RRAGD: variants seen among roughly 807,000 people sequenced by gnomAD.
RRAGD encodes Ras related GTP binding D, also known as ras-related GTP-binding protein D.
A neutral mutation model predicts 35.5 loss-of-function variants in RRAGD; 12 were observed. The ratio of observed to expected loss-of-function variants is 0.34; its 90% CI spans 0.22 to 0.55. The LOEUF is 0.55. Among genes scored for constraint, RRAGD ranks in the 20% least tolerant of loss-of-function variants. The pLI is 0.91. For missense variants in RRAGD, 324 were observed against 490.1 expected, an observed-to-expected ratio of 0.66 and a Z score of 3.20; for synonymous variants, 155 against 178.9, an observed-to-expected ratio of 0.87 and a Z score of 1.07.
chr6:89,412,108 G>C lies in RRAGD; in HGVS notation c.-115C>G. The C allele has an allele frequency of 1.7e-5, 17 of 1,023,060 alleles. No homozygotes were observed. The highest frequency in any genetic ancestry group is 3.3e-5 in the East Asian group (1 of 30,182). The allele number at this position is 1,023,060 out of a possible 1,614,324, so 63.4% of individuals were successfully genotyped here. A position where few individuals can be genotyped will look rare whatever the true frequency, so the allele number is the denominator to read the frequency against. On this transcript the variant is annotated 5_prime_UTR_variant, in exon 1 of 7. Transcript: ENST00000369415. The surrounding 1 kb of genome is among the most constrained non-coding windows in gnomAD (Gnocchi z 4.2). ...AGCGGAGGTTTGTCTAGAGCTCAGC[G>C]GGGCCCGGCGGAAGCGGGGGCCGCG...
At chr6:89,408,589 C>T (rs1217616487) in intron 1 of RRAGD, among the ~76,000 whole-genome samples, 1 of 152,188 alleles carries the variant, frequency 6.6e-6, no homozygotes, top group Non-Finnish European at 1.5e-5. Flanking sequence ...CTGGATCTTT[C>T]ATGCCTCCAG....
intron 1 of RRAGD, among the ~76,000 whole-genome samples, chr6:89,394,411 C>G (rs1004704410): frequency 1.3e-5 from 2 of 151,954 alleles, no homozygotes; most frequent in Non-Finnish European, 2.9e-5. Context: ...TATGAGAAGA[C>G]AACAGAACAG....
chr6:89,409,739 G>T (rs980142735), intron 1 of RRAGD, among the ~76,000 whole-genome samples: 2 of 152,066 alleles, frequency 1.3e-5, no homozygotes, highest in Admixed American at 6.6e-5. Context: ...TCCTGACAAG[G>T]GATTCTGCAT....
intron 1 of RRAGD, among the ~76,000 whole-genome samples, chr6:89,402,858 G>A (rs559795830): frequency 2.0e-5 from 3 of 152,250 alleles, no homozygotes; most frequent in East Asian, 1.9e-4. Context: ...TGGCCACAGC[G>A]AAACAGCTCA....
intron 1 of RRAGD, among the ~76,000 whole-genome samples, chr6:89,399,436 C>T (rs1056360809): frequency 6.6e-6 from 1 of 152,082 alleles, no homozygotes; most frequent in Non-Finnish European, 1.5e-5. Context: ...TCCCTAGTTC[C>T]GAATAGATGC....
rs1364611489 is a variant in RRAGD at position 89,411,909 on chromosome 6, C to A, written c.85G>T (p.Ala29Ser). Residue 29 changes from alanine (A) to serine (S), a missense_variant, in exon 1 of 7, where the codon GCG becomes TCG. Ala to Ser is a moderately conservative substitution (Grantham distance 99). Transcript: ENST00000369415. The surrounding 1 kb of genome is among the most constrained non-coding windows in gnomAD (Gnocchi z 5.6). ...GAGTCGGGCCCGTCTCCGTAGTCCG[C>A]TAGCCCCACCAGCTCATCCTCCTCC... ...EEEEDELVGL[A>S]DYGDGPDSSD... 1.1e-5 allele frequency: 17 copies of A among 1,545,632 alleles called. No homozygotes were observed. Among genetic ancestry groups the A allele is most frequent in the Non-Finnish European group, 1.5e-5 (17 of 1,148,032 alleles).
intron 1 of RRAGD, among the ~76,000 whole-genome samples, chr6:89,404,429 G>A (rs1769539878): frequency 6.6e-6 from 1 of 152,178 alleles, no homozygotes; most frequent in African/African-American, 2.4e-5. Context: ...TGGGTATCAA[G>A]AGGATCAGCT....
chr6:89,382,834 C>A (rs1769071317), intron 2 of RRAGD, among the ~76,000 whole-genome samples: 1 of 152,016 alleles, frequency 6.6e-6, no homozygotes, highest in Non-Finnish European at 1.5e-5. Flanking sequence ...CAAGATCGTG[C>A]CACTGCACTC....
At chr6:89,399,628 T>A (rs1207243456) in intron 1 of RRAGD, among the ~76,000 whole-genome samples, 2 of 152,100 alleles carry the variant, frequency 1.3e-5, no homozygotes, top group African/African-American at 4.8e-5. Flanking sequence ...ATATTTTTTT[T>A]AATTAGCAAG....
chr6:89,380,437 C>G, intron 2 of RRAGD, 70 bp from the exon 3 acceptor site: 14 of 1,364,372 alleles, frequency 1.0e-5, no homozygotes, highest in Non-Finnish European at 1.4e-5. Context: ...ACACTCTTCA[C>G]CTGGAAACCA....
chr6:89,372,654 G>GA (rs1768874012), intron 5 of RRAGD, 69 bp from the exon 6 acceptor site: 1 of 1,457,372 alleles, frequency 6.9e-7, no homozygotes, highest in East Asian at 2.4e-5. Context: ...CCAGTGACAA[G>GA]AGACCGGCTT....
In RRAGD at chr6:89,387,291, T is replaced by G. The variant is rs745343981; in HGVS notation, c.444+4A>C. ...CATCATACCCCTGAGACTCTGAGCT[T>G]TACCTGTGAGTCAATGACAAATATC... On this transcript the variant is annotated splice_donor_region_variant and intron_variant, in intron 2 of 6. Transcript: ENST00000369415. 6.2e-7 allele frequency: 1 copy of G among 1,612,254 alleles called. No homozygotes were observed. Among genetic ancestry groups the G allele is most frequent in the Non-Finnish European group, 8.5e-7 (1 of 1,178,488 alleles).
chr6:89,401,311 G>A (rs1000389892), intron 1 of RRAGD, among the ~76,000 whole-genome samples: 1 of 151,640 alleles, frequency 6.6e-6, no homozygotes, highest in African/African-American at 2.4e-5. Context: ...AGGCTAGAGT[G>A]CTGTGGCGCA....
chr6:89,378,152 A>G (rs1335097593), intron 4 of RRAGD, among the ~76,000 whole-genome samples: 3 of 152,138 alleles, frequency 2.0e-5, no homozygotes, highest in Admixed American at 1.3e-4. Flanking sequence ...AAAATACAAA[A>G]TTAGCCAGGC....
At chr6:89,409,566 G>A (rs1422404254) in intron 1 of RRAGD, among the ~76,000 whole-genome samples, 1 of 152,122 alleles carries the variant, frequency 6.6e-6, no homozygotes, top group Non-Finnish European at 1.5e-5. Flanking sequence ...AATGCAACAC[G>A]TGAATCAGCC....
chr6:89,389,653 C>A (rs1266373645), intron 1 of RRAGD, among the ~76,000 whole-genome samples: 1 of 151,532 alleles, frequency 6.6e-6, no homozygotes, highest in Admixed American at 6.6e-5. Flanking sequence ...ATTAATTCCA[C>A]AATGTTCTTT....
chr6:89,390,359 C>T (rs1312514091), intron 1 of RRAGD, among the ~76,000 whole-genome samples: 3 of 151,994 alleles, frequency 2.0e-5, no homozygotes, highest in East Asian at 1.9e-4. Flanking sequence ...GCAAAGGATG[C>T]GAATAGACAT....
chr6:89,392,395 C>T (rs1444462016), intron 1 of RRAGD, among the ~76,000 whole-genome samples: 1 of 151,386 alleles, frequency 6.6e-6, no homozygotes, highest in Non-Finnish European at 1.5e-5. Flanking sequence ...TGGGAGGATC[C>T]CTTAAGCCCA....
intron 2 of RRAGD, 102 bp downstream of exon 2, chr6:89,387,193 G>T: frequency 2.6e-6 from 3 of 1,165,158 alleles, no homozygotes; most frequent in Non-Finnish European, 3.7e-6. Context: ...ACACTTGTTT[G>T]GTAGAAAGGC....
Sources: allele counts gnomAD v4.1 joint callset (sites outside exome capture counted in the v4.1 genomes callset), GRCh38; gene constraint gnomAD v4.1.1; non-coding constraint Gnocchi (gnomAD v3.1); transcripts MANE v1.5; gene names NCBI Gene and HGNC (gene_info 2026-07-23, HGNC 2026-07-21).